IQCE: variants seen among roughly 807,000 people sequenced by gnomAD.
IQCE encodes IQ domain-containing protein E.
In IQCE, 115 loss-of-function variants were observed where a neutral mutation model predicts 96.0. That is an observed-to-expected ratio of 1.20 (90% CI 1.03 to 1.40). The LOEUF is 1.40. Ranked by LOEUF, IQCE falls within the 40% of genes most tolerant of loss-of-function variation. The pLI, the probability that IQCE is intolerant of heterozygous loss-of-function variation, is 0.00. For synonymous variants in IQCE, 412 were observed against 371.2 expected, an observed-to-expected ratio of 1.11 and a Z score of -1.26; for missense variants, 1,041 against 909.1, an observed-to-expected ratio of 1.15 and a Z score of -1.87.
chr7:2,582,966 C>T (rs1222501539), intron 9 of IQCE, among the ~76,000 whole-genome samples: 7 of 152,126 alleles, frequency 4.6e-5, no homozygotes, highest in South Asian at 2.1e-4. Context: ...CGTGGCTACT[C>T]GCATTTCTGT....
chr7:2,597,105 G>C (rs1173549820), intron 16 of IQCE: 1 of 470,600 alleles, frequency 2.1e-6, no homozygotes, highest in Non-Finnish European at 4.4e-6. Flanking sequence ...CTGGGCCAGG[G>C]CCTTTATCAT....
intron 1 of IQCE, 88 bp downstream of exon 1, chr7:2,559,305 G>C: frequency 3.9e-6 from 3 of 772,810 alleles, no homozygotes; most frequent in Non-Finnish European, 5.2e-6. Flanking sequence ...GCCCCGCGCA[G>C]GGGCCGGCCC....
intron 16 of IQCE, chr7:2,598,183 G>A (rs777928491): frequency 2.1e-5 from 7 of 329,912 alleles, no homozygotes; most frequent in Non-Finnish European, 2.8e-5. Flanking sequence ...GTGAAGAAGC[G>A]TCCTCTCTCC....
At chr7:2,599,260 G>A (rs1054037169) in intron 17 of IQCE, among the ~76,000 whole-genome samples, 4 of 151,754 alleles carry the variant, frequency 2.6e-5, no homozygotes, top group African/African-American at 9.7e-5. Context: ...GCAATGGCAT[G>A]ATCTTGGCTC....
chr7:2,607,781 G>A (rs1025820703), intron 21 of IQCE, among the ~76,000 whole-genome samples: 2 of 152,214 alleles, frequency 1.3e-5, no homozygotes, highest in East Asian at 1.9e-4. Context: ...GCTGCTCTGC[G>A]TGGACTTGAG....
At chr7:2,599,894 A>C (rs1278615274) in intron 17 of IQCE, among the ~76,000 whole-genome samples, 1 of 151,900 alleles carries the variant, frequency 6.6e-6, no homozygotes, top group East Asian at 1.9e-4. Context: ...CCCAGGTTCA[A>C]GCGATTCTCC....
At chr7:2,574,445 A>T (rs1271318926) in intron 6 of IQCE, among the ~76,000 whole-genome samples, 1 of 152,224 alleles carries the variant, frequency 6.6e-6, no homozygotes, top group Non-Finnish European at 1.5e-5. Context: ...GTGTGAGAAG[A>T]ACGCTCTAAC....
At chr7:2,566,269 C>T (rs930002824) in intron 1 of IQCE, among the ~76,000 whole-genome samples, 3 of 149,630 alleles carry the variant, frequency 2.0e-5, no homozygotes, top group African/African-American at 7.4e-5. Context: ...AATACAGAAA[C>T]ACTTTTGTCT....
chr7:2,596,901 TAA>T (rs903485754), intron 16 of IQCE: 2 of 456,942 alleles, frequency 4.4e-6, no homozygotes, highest in African/African-American at 4.0e-5. Context: ...TTGCCACAGC[TAA>T]AGAGATCTGG....
In IQCE at chr7:2,598,619, T is replaced by C; in HGVS notation, c.1595T>C (p.Val532Ala). 1 of 1,565,594 alleles carries C rather than the reference T, an allele frequency of 6.4e-7. No individual in the cohort carries two copies. The highest frequency in any genetic ancestry group is 8.7e-7 in the Non-Finnish European group (1 of 1,156,014). Residue 532 changes from valine to alanine, a missense_variant, in exon 17 of 22, where the codon GTG becomes GCG. Transcript: ENST00000402050. Reference protein sequence around the residue: ...AARVLQAQWKVYKHKKKKAVL... With the variant: ...AARVLQAQWKAYKHKKKKAVL... Reference sequence around the variant, plus strand: ...AGAGTCCTGCAGGCCCAGTGGAAGGTGTACAAGCACAAGGTGAGGCTCCCC... The same window carrying C: ...AGAGTCCTGCAGGCCCAGTGGAAGGCGTACAAGCACAAGGTGAGGCTCCCC...
At chr7:2,585,048 A>ATT (rs34559707) in intron 11 of IQCE, among the ~76,000 whole-genome samples, 51,751 of 140,356 alleles carry the variant, frequency 0.37, 9,979 homozygotes, top group Non-Finnish European at 0.44. Context: ...TGCTCATAAC[A>ATT]TTTTTTTTTT....
Position 2,572,258 on chromosome 7 carries a change from G to A in IQCE, c.326G>A (p.Gly109Asp). The A allele has an allele frequency of 6.2e-7, 1 of 1,614,086 alleles. No homozygotes were observed. Among genetic ancestry groups the A allele is most frequent in the Non-Finnish European group, 8.5e-7 (1 of 1,179,924 alleles). ...CATGCGTGGACTGGCGTCCCCGGCG[G>A]CACTCCTGACTGTCTGACAGACACC... ...WEHAWTGVPG[G>D]TPDCLTDTFR... is the part of the protein sequence containing the mutation. Residue 109 changes from glycine (G) to aspartate (D), a missense_variant, in exon 5 of 22, where the codon GGC becomes GAC. Physicochemically the swap from Gly to Asp is moderately conservative, Grantham distance 94 (BLOSUM62 -1). Transcript: ENST00000402050.
chr7:2,586,604 G>A (rs954932581), intron 12 of IQCE, among the ~76,000 whole-genome samples: 1 of 152,234 alleles, frequency 6.6e-6, no homozygotes, highest in Non-Finnish European at 1.5e-5. Flanking sequence ...GCTGTGGGAG[G>A]GAGAGAGGAG....
At chr7:2,581,086 G>A (rs1055348956) in intron 8 of IQCE, among the ~76,000 whole-genome samples, 2 of 151,928 alleles carry the variant, frequency 1.3e-5, no homozygotes, top group Non-Finnish European at 2.9e-5. Context: ...CTTGTGATCT[G>A]CCCACCTTGG....
intron 1 of IQCE, among the ~76,000 whole-genome samples, chr7:2,559,737 A>T (rs1780781248): frequency 9.0e-6 from 1 of 111,726 alleles, no homozygotes; most frequent in Non-Finnish European, 1.7e-5. Context: ...ACTGTGTGTT[A>T]GAGACACGGG....
In IQCE at chr7:2,567,165, T is replaced by C. The variant is rs773623285; in HGVS notation, c.84+2T>C. 2.5e-6 allele frequency: 4 copies of C among 1,613,158 alleles called. No individual in the cohort carries two copies. Among genetic ancestry groups the C allele is most frequent in the Non-Finnish European group, 2.5e-6 (3 of 1,179,458 alleles). ...ACCTTTGACTCTGATGTGGAGACGG[T>C]GAGTGCCGCTGGGTGTCAGCCGTGC... On this transcript the variant is annotated splice_donor_variant, in intron 2 of 21. Transcript: ENST00000402050. LOFTEE classifies it high-confidence loss of function.
Position 2,604,889 on chromosome 7 carries a change from G to T in IQCE, c.1641G>T (p.Val547=), listed in dbSNP as rs201471152. The T allele has an allele frequency of 4.7e-4, 764 of 1,613,176 alleles. No homozygotes were observed. Among genetic ancestry groups the T allele is most frequent in the Non-Finnish European group, 6.0e-4 (705 of 1,179,494 alleles). ...GCTTCCTTCCCTGACAGGCGGCTGT[G>T]GTGCTTCAGGCAGCTTTCAGGGGAC... ...KKKAVLDEAA[V]VLQAAFRGHL... Residue 547 remains valine (V), a synonymous_variant, in exon 19 of 22, where the codon GTG becomes GTT. Transcript: ENST00000402050.
At chr7:2,565,268 T>C (rs554399009) in intron 1 of IQCE, among the ~76,000 whole-genome samples, 24 of 149,734 alleles carry the variant, frequency 1.6e-4, no homozygotes, top group South Asian at 2.1e-4. Context: ...TGTGTGTGTG[T>C]GCGCTGTGTA....
At chr7:2,570,444 A>G (rs941172306) in intron 3 of IQCE, among the ~76,000 whole-genome samples, 2 of 151,676 alleles carry the variant, frequency 1.3e-5, no homozygotes, top group Non-Finnish European at 2.9e-5. Flanking sequence ...GTTTTGGAAG[A>G]ATTTGAGACT....
Sources: allele counts gnomAD v4.1 joint callset (sites outside exome capture counted in the v4.1 genomes callset), GRCh38; gene constraint gnomAD v4.1.1; transcripts MANE v1.5; gene names NCBI Gene and HGNC (gene_info 2026-07-23, HGNC 2026-07-21).